SORCS1: variants seen among roughly 807,000 people sequenced by gnomAD.
The protein encoded by SORCS1 is VPS10 domain-containing receptor SorCS1.
A neutral mutation model predicts 146.1 loss-of-function variants in SORCS1; 60 were observed. The observed-to-expected ratio is 0.41, with a 90% CI of 0.33 to 0.51. The LOEUF is 0.51. Ranked by LOEUF, SORCS1 falls within the 20% of genes least tolerant of loss-of-function variation. The pLI is 0.21. For missense variants in SORCS1, 1,352 were observed against 1,487.6 expected (o/e 0.91, Z 1.50); for synonymous variants, 637 against 584.0 (o/e 1.09, Z -1.31).
chr10:106,989,304 T>G (rs1956640250), intron 1 of SORCS1, among the ~76,000 whole-genome samples: 1 of 107,478 alleles, frequency 9.3e-6, no homozygotes, highest in Non-Finnish European at 2.1e-5. Flanking sequence ...AAAAGAATAC[T>G]CCAATGCCTT....
intron 2 of SORCS1, among the ~76,000 whole-genome samples, chr10:106,843,239 T>C (rs1316163663): frequency 1.3e-5 from 2 of 152,104 alleles, no homozygotes; most frequent in East Asian, 1.9e-4. Flanking sequence ...CTTTGACTCA[T>C]ATTTCCACTT....
intron 1 of SORCS1, among the ~76,000 whole-genome samples, chr10:106,959,770 C>T (rs1338034305): frequency 2.6e-5 from 4 of 152,274 alleles, no homozygotes; most frequent in East Asian, 1.9e-4. Context: ...CTTTAACCTC[C>T]TTAGTAGCTG....
At chr10:106,694,838 C>T (rs150086385) in intron 9 of SORCS1, among the ~76,000 whole-genome samples, 36 of 152,298 alleles carry the variant, frequency 2.4e-4, no homozygotes, top group African/African-American at 8.2e-4. Context: ...AGCCAGGTGG[C>T]TTCACTCCCA....
chr10:106,806,811 G>A (rs1203694955), intron 3 of SORCS1, among the ~76,000 whole-genome samples: 8 of 151,772 alleles, frequency 5.3e-5, no homozygotes, highest in South Asian at 2.1e-4. Flanking sequence ...CACCGCACCC[G>A]GAGGAGAGGA....
chr10:107,027,897 C>A (rs2133911067), intron 1 of SORCS1, among the ~76,000 whole-genome samples: 1 of 152,308 alleles, frequency 6.6e-6, no homozygotes, highest in East Asian at 1.9e-4. Flanking sequence ...AATGTGAACA[C>A]CTTGATGGGA....
chr10:106,614,993 A>G (rs925902016), intron 21 of SORCS1, among the ~76,000 whole-genome samples: 1 of 152,078 alleles, frequency 6.6e-6, no homozygotes, highest in African/African-American at 2.4e-5. Context: ...TTGAGTAGAC[A>G]AACCTTCCCC....
chr10:106,753,824 G>A (rs1031173684), intron 5 of SORCS1, among the ~76,000 whole-genome samples: 4 of 152,258 alleles, frequency 2.6e-5, no homozygotes, highest in East Asian at 1.9e-4. Context: ...CACAGTGGGC[G>A]CCATGAAGAT....
chr10:106,752,639 G>A (rs1015731881), intron 5 of SORCS1, among the ~76,000 whole-genome samples: 2 of 152,174 alleles, frequency 1.3e-5, no homozygotes, highest in African/African-American at 2.4e-5. Flanking sequence ...CAAACAATGA[G>A]GAATGAGACA....
intron 1 of SORCS1, among the ~76,000 whole-genome samples, chr10:106,976,410 C>A (rs1162454434): frequency 1.4e-5 from 2 of 145,064 alleles, no homozygotes; most frequent in Non-Finnish European, 1.5e-5. Context: ...CGGCTCACTG[C>A]AAGCTCCGCC....
chr10:106,740,830 G>A (rs1857310352), intron 5 of SORCS1, among the ~76,000 whole-genome samples: 1 of 152,204 alleles, frequency 6.6e-6, no homozygotes, highest in Non-Finnish European at 1.5e-5. Flanking sequence ...AAAGATAAGA[G>A]AAAGACAGTG....
intron 2 of SORCS1, among the ~76,000 whole-genome samples, chr10:106,839,622 G>C (rs1038150584): frequency 6.6e-6 from 1 of 152,186 alleles, no homozygotes; most frequent in Admixed American, 6.5e-5. Context: ...ACAGTAAACA[G>C]CAGATGTTCA....
At chr10:106,859,556 G>C (rs1474883523) in intron 2 of SORCS1, among the ~76,000 whole-genome samples, 7 of 152,130 alleles carry the variant, frequency 4.6e-5, no homozygotes, top group Non-Finnish European at 8.8e-5. Flanking sequence ...ACCATGCCCA[G>C]GTAATTTTTG....
chr10:106,694,112 G>A (rs889093217), intron 9 of SORCS1, among the ~76,000 whole-genome samples: 1 of 152,134 alleles, frequency 6.6e-6, no homozygotes, highest in Non-Finnish European at 1.5e-5. Context: ...ATAAACATGA[G>A]GCCGGGGTGC....
At chr10:106,752,239 T>C (rs1336766937) in intron 5 of SORCS1, among the ~76,000 whole-genome samples, 1 of 152,160 alleles carries the variant, frequency 6.6e-6, no homozygotes, top group Non-Finnish European at 1.5e-5. Flanking sequence ...CATCATCACA[T>C]TTAAATTCAG....
intron 10 of SORCS1, among the ~76,000 whole-genome samples, chr10:106,682,511 C>T (rs974294346): frequency 1.3e-5 from 2 of 152,174 alleles, no homozygotes; most frequent in African/African-American, 4.8e-5. Context: ...AGCTGTTGTA[C>T]TGACCAGTTT....
At chr10:107,007,766 T>C (rs1957517421) in intron 1 of SORCS1, among the ~76,000 whole-genome samples, 1 of 152,244 alleles carries the variant, frequency 6.6e-6, no homozygotes, top group East Asian at 1.9e-4. Flanking sequence ...ATACACTAAC[T>C]ACACTTCAGC....
chr10:107,164,091 C>T lies in SORCS1; in HGVS notation c.436G>A (p.Asp146Asn), dbSNP rs774883124. The T allele has an allele frequency of 9.9e-6, 16 of 1,613,678 alleles. No homozygotes were observed. The highest frequency in any genetic ancestry group is 5.0e-5 in the Admixed American group (3 of 60,002). The change falls in exon 1 of 26, where the codon GAC becomes AAC. Residue 146 changes from aspartate (D) to asparagine (N), a missense_variant. Coordinates refer to ENST00000263054, the MANE Select transcript of SORCS1 (RefSeq NM_052918.5). This position sits in a 1 kb window ranked among gnomAD's most constrained non-coding sequence, Gnocchi z 6.8. ...CGGAAGCGGGTGGCTTTGTCCGGGT[C>T]CCGCTCCCGAGTCCCAGGCTCCTGC... Reference protein sequence around the residue: ...GQQEPGTRERDPDKATRFRME... With the variant: ...GQQEPGTRERNPDKATRFRME...
At chr10:107,004,537 T>C (rs1203027053) in intron 1 of SORCS1, among the ~76,000 whole-genome samples, 1 of 152,174 alleles carries the variant, frequency 6.6e-6, no homozygotes, top group African/African-American at 2.4e-5. Context: ...CATACTGTTC[T>C]CATCAGAACA....
chr10:106,808,449 T>C (rs978707542), intron 3 of SORCS1, among the ~76,000 whole-genome samples: 1 of 152,014 alleles, frequency 6.6e-6, no homozygotes, highest in Non-Finnish European at 1.5e-5. Flanking sequence ...AGATAAAGAG[T>C]GGCACCCAAA....
Sources: allele counts gnomAD v4.1 joint callset (sites outside exome capture counted in the v4.1 genomes callset), GRCh38; gene constraint gnomAD v4.1.1; non-coding constraint Gnocchi (gnomAD v3.1); transcripts MANE v1.5; gene names NCBI Gene and HGNC (gene_info 2026-07-23, HGNC 2026-07-21).